DOK6: variants seen among roughly 807,000 people sequenced by gnomAD.
DOK6 encodes the protein docking protein 6, also known as downstream of tyrosine kinase 6.
DOK6 carries 22 observed loss-of-function variants against 44.0 expected under a neutral mutation model. The observed-to-expected ratio is 0.50, with a 90% CI of 0.36 to 0.71. The LOEUF (loss-of-function observed/expected upper bound fraction) is 0.71. Ranked by LOEUF, DOK6 falls within the 30% of genes least tolerant of loss-of-function variation. The pLI is 0.00. For synonymous variants in DOK6, 166 were observed against 145.5 expected (o/e 1.14, Z -1.01); for missense variants, 340 against 416.4 (o/e 0.82, Z 1.60).
intron 3 of DOK6, among the ~76,000 whole-genome samples, chr18:69,619,121 A>G (rs1984380187): frequency 6.6e-6 from 1 of 152,192 alleles, no homozygotes; most frequent in Non-Finnish European, 1.5e-5. Flanking sequence ...ACTGGAGAGA[A>G]AGCAAGTAAA....
chr18:69,697,132 A>AT (rs77244235), intron 4 of DOK6, among the ~76,000 whole-genome samples: 34,718 of 151,418 alleles, frequency 0.23, 3,994 homozygotes, highest in Middle Eastern at 0.29. Context: ...TAATTCAAAT[A>AT]TTTTTTTTGG....
At chr18:69,409,302 C>T (rs144963838) in intron 1 of DOK6, among the ~76,000 whole-genome samples, 2 of 152,068 alleles carry the variant, frequency 1.3e-5, no homozygotes, top group Non-Finnish European at 1.5e-5. Flanking sequence ...CTTACAGCAG[C>T]GTGAGAATGG....
intron 1 of DOK6, among the ~76,000 whole-genome samples, chr18:69,464,002 C>T (rs1384830673): frequency 1.3e-5 from 2 of 151,918 alleles, no homozygotes; most frequent in Non-Finnish European, 2.9e-5. Flanking sequence ...TAAATTGCTC[C>T]CTCCTGTGTT....
At chr18:69,431,876 C>T (rs188999631) in intron 1 of DOK6, among the ~76,000 whole-genome samples, 1 of 152,282 alleles carries the variant, frequency 6.6e-6, no homozygotes, top group Non-Finnish European at 1.5e-5. Flanking sequence ...ATTCTACATA[C>T]CCTTCATCTG....
intron 1 of DOK6, among the ~76,000 whole-genome samples, chr18:69,557,576 T>G (rs1039735158): frequency 1.3e-5 from 2 of 152,166 alleles, no homozygotes; most frequent in Non-Finnish European, 2.9e-5. Flanking sequence ...GCTGGCTGGC[T>G]GGTTAACACA....
intron 1 of DOK6, among the ~76,000 whole-genome samples, chr18:69,526,377 C>A (rs1292141464): frequency 6.6e-6 from 1 of 152,110 alleles, no homozygotes; most frequent in Non-Finnish European, 1.5e-5. Flanking sequence ...ATAATGCTAT[C>A]AATTATGCTT....
At chr18:69,785,118 A>C (rs1212260367) in intron 7 of DOK6, among the ~76,000 whole-genome samples, 3 of 152,180 alleles carry the variant, frequency 2.0e-5, no homozygotes, top group Non-Finnish European at 4.4e-5. Context: ...AATTCAGCAA[A>C]TGCTTCCATT....
At chr18:69,584,016 G>T (rs183175830) in intron 2 of DOK6, among the ~76,000 whole-genome samples, 119 of 149,052 alleles carry the variant, frequency 8.0e-4, no homozygotes, top group Middle Eastern at 7.1e-3. Flanking sequence ...GCTGAGGCAG[G>T]AGAATGGCGT....
chr18:69,706,101 T>G (rs1045795976), intron 5 of DOK6, among the ~76,000 whole-genome samples: 1 of 152,202 alleles, frequency 6.6e-6, no homozygotes, highest in African/African-American at 2.4e-5. Flanking sequence ...TCCTTGTAAC[T>G]GGGGTAACCA....
At chr18:69,690,878 G>A (rs905731583) in intron 4 of DOK6, among the ~76,000 whole-genome samples, 1 of 152,086 alleles carries the variant, frequency 6.6e-6, no homozygotes, top group East Asian at 1.9e-4. Context: ...TATGTAAAAA[G>A]TGTTAAAGAA....
chr18:69,479,936 T>C (rs12608413), intron 1 of DOK6, among the ~76,000 whole-genome samples: 36,110 of 152,022 alleles, frequency 0.24, 4,607 homozygotes, highest in East Asian at 0.53. Context: ...CATTAATAGA[T>C]TTAGACACAA....
intron 6 of DOK6, among the ~76,000 whole-genome samples, chr18:69,739,996 A>T (rs931884478): frequency 2.0e-5 from 3 of 152,222 alleles, no homozygotes; most frequent in Non-Finnish European, 4.4e-5. Context: ...AAGAAAGAGA[A>T]CAGAAGTAGC....
chr18:69,473,435 C>T (rs73468808), intron 1 of DOK6, among the ~76,000 whole-genome samples: 1,667 of 152,318 alleles, frequency 0.011, 36 homozygotes, highest in African/African-American at 0.039. Flanking sequence ...CATGTTCCCT[C>T]ATATTCCCCC....
chr18:69,476,330 G>T (rs1980261044), intron 1 of DOK6, among the ~76,000 whole-genome samples: 1 of 152,196 alleles, frequency 6.6e-6, no homozygotes, highest in Non-Finnish European at 1.5e-5. Flanking sequence ...ATACATAAGA[G>T]TAAAACATTT....
intron 1 of DOK6, among the ~76,000 whole-genome samples, chr18:69,563,779 T>C (rs1982900872): frequency 6.6e-6 from 1 of 151,842 alleles, no homozygotes; most frequent in South Asian, 2.1e-4. Context: ...TGTGCGCATA[T>C]AACCTAAAAC....
intron 7 of DOK6, among the ~76,000 whole-genome samples, chr18:69,817,197 TA>T (rs1353469606): frequency 6.6e-6 from 1 of 152,210 alleles, no homozygotes; most frequent in Admixed American, 6.5e-5. Flanking sequence ...AGCTGTTCAG[TA>T]AATGTTTACG....
intron 3 of DOK6, among the ~76,000 whole-genome samples, chr18:69,642,723 T>A (rs943128120): frequency 6.6e-6 from 1 of 152,192 alleles, no homozygotes; most frequent in Non-Finnish European, 1.5e-5. Context: ...AATGTCTACA[T>A]GTATCTGTTT....
At chr18:69,739,216 C>G in intron 6 of DOK6, 113 bp downstream of exon 6, 1 of 1,424,062 alleles carries the variant, frequency 7.0e-7, no homozygotes, top group East Asian at 2.3e-5. Flanking sequence ...TCCACCCTGC[C>G]CTGATCCTGA....
chr18:69,545,905 T>G (rs1436434237), intron 1 of DOK6, among the ~76,000 whole-genome samples: 1 of 151,450 alleles, frequency 6.6e-6, no homozygotes, highest in Non-Finnish European at 1.5e-5. Flanking sequence ...CCTAGAATTT[T>G]AAAAAGTGTT....
Sources: gnomAD v4.1 joint callset for allele counts (sites outside exome capture counted in the v4.1 genomes callset) on GRCh38, gnomAD v4.1.1 for gene constraint, MANE v1.5 for transcripts, NCBI Gene and HGNC (gene_info 2026-07-23, HGNC 2026-07-21) for gene names.